Variants in CPS1 observed in about 807,000 individuals in gnomAD.
The protein encoded by CPS1 is carbamoyl-phosphate synthase 1, also known as carbamoyl-phosphate synthase [ammonia], mitochondrial.
Under a neutral mutation model 174.6 loss-of-function variants are expected in CPS1, and 109 were observed. That is an observed-to-expected ratio of 0.62 (90% CI 0.53 to 0.73). The LOEUF is 0.73. Ranked by LOEUF, CPS1 falls within the 30% of genes least tolerant of loss-of-function variation. CPS1 has a pLI of 0.00. For synonymous variants in CPS1, 637 were observed against 632.0 expected, an observed-to-expected ratio of 1.01 and a Z score of -0.12; for missense variants, 1,689 against 1,821.9, an observed-to-expected ratio of 0.93 and a Z score of 1.33.
intron 1 of CPS1, among the ~76,000 whole-genome samples, chr2:210,561,631 A>G (rs984446089): frequency 1.3e-5 from 2 of 152,180 alleles, no homozygotes; most frequent in Non-Finnish European, 2.9e-5. Context: ...TTGGTATGCT[A>G]CGCTGACTGC....
chr2:210,577,798 C>T (rs1253386591), intron 4 of CPS1, among the ~76,000 whole-genome samples: 1 of 152,048 alleles, frequency 6.6e-6, no homozygotes, highest in Non-Finnish European at 1.5e-5. Flanking sequence ...TTTCTCTTCT[C>T]TTTAGCAATT....
chr2:210,483,905 C>A (rs1445860606), intron 1 of CPS1, among the ~76,000 whole-genome samples: 1 of 152,140 alleles, frequency 6.6e-6, no homozygotes, highest in African/African-American at 2.4e-5. Flanking sequence ...TTTGTTGGTT[C>A]TTTTGCTCAT....
chr2:210,519,600 C>A (rs563739742), intron 1 of CPS1: 18 of 183,524 alleles, frequency 9.8e-5, no homozygotes, highest in African/African-American at 4.3e-4. Context: ...GAAACTGACA[C>A]GTTATGAGTA....
intron 1 of CPS1, among the ~76,000 whole-genome samples, chr2:210,560,619 A>G (rs1239191332): frequency 6.6e-6 from 1 of 152,136 alleles, no homozygotes; most frequent in Non-Finnish European, 1.5e-5. Context: ...ATTTCTTTTG[A>G]AAGGCATTCA....
chr2:210,580,627 T>C (rs1697893363), intron 5 of CPS1, among the ~76,000 whole-genome samples: 1 of 152,036 alleles, frequency 6.6e-6, no homozygotes, highest in Non-Finnish European at 1.5e-5. Context: ...TTTGGGAGGC[T>C]GAGGCAAACG....
intron 1 of CPS1, among the ~76,000 whole-genome samples, chr2:210,501,148 C>T (rs985190612): frequency 1.3e-5 from 2 of 152,116 alleles, no homozygotes; most frequent in African/African-American, 4.8e-5. Flanking sequence ...CTCTAGGCTG[C>T]ACACATCGGG....
At chr2:210,656,693 G>GTTT (rs61108700) in intron 30 of CPS1, 61 bp downstream of exon 30, 778 of 878,226 alleles carry the variant, frequency 8.9e-4, no homozygotes, top group African/African-American at 1.5e-3. Flanking sequence ...AACACCTAAG[G>GTTT]TTTTTTTTTT....
chr2:210,597,634 G>A (rs1340926018), intron 13 of CPS1, among the ~76,000 whole-genome samples: 1 of 151,676 alleles, frequency 6.6e-6, no homozygotes, highest in Admixed American at 6.6e-5. Flanking sequence ...TGACTTTTTA[G>A]GAGAATTTAA....
rs140476948 is a variant in CPS1, at chr2:210,540,596, T to A, written c.4-16123T>A. ...AGAATTCTTTACTAACACCAGATAT[T>A]TTGCGTAACTTATTCTGTTTAAATT... On this transcript the variant is annotated intron_variant, in intron 1 of 38. Coordinates refer to the CPS1 transcript ENST00000430249. Among the ~76,000 whole-genome samples, 5 of 152,300 alleles carry A rather than the reference T, an allele frequency of 3.3e-5. No homozygotes were observed. In the East Asian group the frequency reaches 7.7e-4, roughly 24 times the overall value.
intron 2 of CPS1, among the ~76,000 whole-genome samples, chr2:210,575,543 C>T (rs973219893): frequency 5.3e-5 from 8 of 149,938 alleles, no homozygotes; most frequent in East Asian, 2.0e-4. Context: ...CACACACACA[C>T]GATATATTTG....
intron 27 of CPS1, among the ~76,000 whole-genome samples, chr2:210,649,161 A>G (rs1700484869): frequency 6.6e-6 from 1 of 152,240 alleles, no homozygotes; most frequent in Non-Finnish European, 1.5e-5. Flanking sequence ...CACAATTTGA[A>G]AGTGTAAATG....
intron 14 of CPS1, 96 bp from the exon 15 acceptor site, chr2:210,600,459 A>T (rs778981304): frequency 1.8e-5 from 23 of 1,264,172 alleles, no homozygotes; most frequent in Non-Finnish European, 2.5e-5. Flanking sequence ...AACTTCTCGG[A>T]TTTTAAGATT....
intron 1 of CPS1, among the ~76,000 whole-genome samples, chr2:210,562,031 G>T (rs1697118271): frequency 6.6e-6 from 1 of 152,112 alleles, no homozygotes; most frequent in African/African-American, 2.4e-5. Context: ...ATTAGCTTAT[G>T]ATATGTAGGT....
At chr2:210,517,767 T>C (rs1297357577) in intron 1 of CPS1, among the ~76,000 whole-genome samples, 2 of 152,000 alleles carry the variant, frequency 1.3e-5, no homozygotes, top group African/African-American at 4.8e-5. Context: ...ATGTGTGATA[T>C]AAAACACCAT....
rs369030433 is a variant in CPS1 at position 210,647,895 on chromosome 2, C to T, written c.3174C>T (p.Gly1058=). Residue 1058 remains glycine (G), a synonymous_variant, in exon 26 of 38, where the codon GGC becomes GGT. Coordinates refer to ENST00000233072, the MANE Select transcript of CPS1 (RefSeq NM_001875.5). ...ACGGCIISVG[G]QIPNNLAVPL... ...GTGGCTGCATCATATCAGTTGGAGG[C>T]CAGATTCCAAACAACCTGGCAGTTC... The T allele has an allele frequency of 8.1e-6, 13 of 1,613,848 alleles. No homozygotes were observed. The highest frequency in any genetic ancestry group is 1.1e-5 in the Non-Finnish European group (13 of 1,179,934).
chr2:210,519,714 C>G lies in CPS1; in HGVS notation c.4-37005C>G, dbSNP rs1695771511. On this transcript the variant is annotated intron_variant, in intron 1 of 38. Transcript: ENST00000430249. The stretch of plus-strand genomic sequence containing the variant: ...ACCAGTCAGACAAACCCAATTGAAA[C>G]TTTAGTTCAAAAGCATCCAGTATGA... 7.1e-6 allele frequency: 7 copies of G among 984,128 alleles called. No individual in the cohort carries two copies. In the South Asian group the frequency reaches 2.8e-4, roughly 40 times the overall value. The allele number at this position is 984,128 out of a possible 1,614,324, so 61.0% of individuals were successfully genotyped here. A position where few individuals can be genotyped will look rare whatever the true frequency, so the allele number is the denominator to read the frequency against.
At chr2:210,664,735 C>T (rs1253595859) in intron 33 of CPS1, among the ~76,000 whole-genome samples, 4 of 152,100 alleles carry the variant, frequency 2.6e-5, no homozygotes, top group African/African-American at 9.7e-5. Flanking sequence ...ATTCAGCTCC[C>T]CTTTGTTATA....
intron 33 of CPS1, among the ~76,000 whole-genome samples, chr2:210,665,061 C>T (rs763547809): frequency 6.6e-6 from 1 of 152,156 alleles, no homozygotes; most frequent in Non-Finnish European, 1.5e-5. Context: ...TTTAAAACCT[C>T]GTCTGTGTTG....
At chr2:210,508,083 C>T (rs1470904738) in intron 1 of CPS1, among the ~76,000 whole-genome samples, 3 of 151,472 alleles carry the variant, frequency 2.0e-5, no homozygotes, top group Non-Finnish European at 4.4e-5. Flanking sequence ...ACATTCTTTT[C>T]AGCACCACAC....
Sources: allele counts gnomAD v4.1 joint callset (sites outside exome capture counted in the v4.1 genomes callset), GRCh38; gene constraint gnomAD v4.1.1; transcripts MANE v1.5; gene names NCBI Gene and HGNC (gene_info 2026-07-23, HGNC 2026-07-21).